The following MARVELD3 variants were observed in gnomAD, a reference collection of about 807,000 sequenced individuals.
MARVELD3 encodes the protein MARVEL domain containing 3.
In MARVELD3, 28 loss-of-function variants were observed where a neutral mutation model predicts 33.5. The observed-to-expected ratio is 0.84, with a 90% CI of 0.62 to 1.15. The LOEUF (loss-of-function observed/expected upper bound fraction) is 1.15. Among genes scored for constraint, MARVELD3 ranks in the 50% most tolerant of loss-of-function variants. The pLI is 0.00. For synonymous variants in MARVELD3, 241 were observed against 230.4 expected (o/e 1.05, Z -0.42); for missense variants, 582 against 547.6 (o/e 1.06, Z -0.63).
rs2044569813 is a variant in MARVELD3, at chr16:71,634,973, A to G, written c.*170A>G. 4.3e-6 allele frequency: 6 copies of G among 1,403,888 alleles called. No homozygotes were observed. The South Asian group carries it at 4.9e-5, about 11-fold the overall frequency. The allele number at this position is 1,403,888 out of a possible 1,614,324, so 87.0% of individuals were successfully genotyped here. On this transcript the variant is annotated 3_prime_UTR_variant, in exon 3 of 3. Transcript: ENST00000268485. ...CGCATGGAGCGGTGTTCATGGATGC[A>G]ACAGACCCTGGCTTCTGGAGTCCTC...
At chr16:71,630,540 C>G (rs545134124) in intron 2 of MARVELD3, among the ~76,000 whole-genome samples, 31 of 151,620 alleles carry the variant, frequency 2.0e-4, no homozygotes, top group Non-Finnish European at 3.8e-4. Context: ...AGGAGAATCG[C>G]TTGAACCCGG....
At chr16:71,640,781 T>C (rs768993397), downstream of MARVELD3, 8 of 1,614,100 alleles carry the variant, frequency 5.0e-6, no homozygotes, top group East Asian at 2.2e-5. Flanking sequence ...TGCAGATCAA[T>C]AGCACCGACA....
intron 2 of MARVELD3, among the ~76,000 whole-genome samples, chr16:71,631,815 ATGT>A (rs1020896799): frequency 6.6e-6 from 1 of 152,222 alleles, no homozygotes; most frequent in Non-Finnish European, 1.5e-5. Flanking sequence ...GAAAACAATA[ATGT>A]TGTTTGCATT....
At chr16:71,640,944 G>A (rs201839766), downstream of MARVELD3, 216 of 1,613,936 alleles carry the variant, frequency 1.3e-4, no homozygotes, top group Non-Finnish European at 1.7e-4. Context: ...TAGCTACCGA[G>A]AACAGAAGCG....
In MARVELD3 at chr16:71,635,883, G is replaced by GC; in HGVS notation, c.*1084dup. On this transcript the variant is annotated 3_prime_UTR_variant, in exon 3 of 3. Coordinates refer to ENST00000268485, the MANE Select transcript of MARVELD3 (RefSeq NM_052858.6). ...GGGTTGCAAAGAGGCTATTCTGCAA[G>GC]CCCCTTACAGTGGCCCTGAAAGCTC... The GC allele has an allele frequency of 1.0e-6, 1 of 985,370 alleles. No individual in the cohort carries two copies. The highest frequency in any genetic ancestry group is 1.1e-4 in the East Asian group (1 of 8,812). The allele number at this position is 985,370 out of a possible 1,614,324, so 61.0% of individuals were successfully genotyped here. A position where few individuals can be genotyped will look rare whatever the true frequency, so the allele number is the denominator to read the frequency against.
Position 71,626,376 on chromosome 16 carries a change from G to A in MARVELD3, c.147G>A (p.Gly49=), listed in dbSNP as rs2044468437. 1.3e-6 allele frequency: 2 copies of A among 1,546,046 alleles called. No homozygotes were observed. The highest frequency in any genetic ancestry group is 1.4e-5 in the African/African-American group (1 of 72,932). Residue 49 remains glycine (G), a synonymous_variant, in exon 1 of 3, where the codon GGG becomes GGA. Transcript: ENST00000268485. This position sits in a 1 kb window ranked among gnomAD's most constrained non-coding sequence, Gnocchi z 5.3. ...CGCGCAGGAAGCGAAGCAGCGACGGGAACCGGCGAAGGGACGGGGACCGGG... is the reference window on the plus strand; with the variant it reads ...CGCGCAGGAAGCGAAGCAGCGACGGAAACCGGCGAAGGGACGGGGACCGGG... ...GDPRRKRSSD[G]NRRRDGDRDP... is the part of the protein sequence containing the mutation.
At chr16:71,641,061 T>C (rs762880396), downstream of MARVELD3, 2 of 1,568,714 alleles carry the variant, frequency 1.3e-6, no homozygotes, top group South Asian at 1.2e-5. Context: ...ACGCACATTG[T>C]TTCTCTCAAA....
At chr16:71,628,545 A>C (rs1333747474) in intron 1 of MARVELD3, among the ~76,000 whole-genome samples, 1 of 151,754 alleles carries the variant, frequency 6.6e-6, no homozygotes, top group African/African-American at 2.4e-5. Context: ...TCAAAACAAA[A>C]AAAAAAAAAG....
At chr16:71,631,554 A>G (rs750769409) in intron 2 of MARVELD3, among the ~76,000 whole-genome samples, 9 of 151,886 alleles carry the variant, frequency 5.9e-5, no homozygotes, top group Non-Finnish European at 1.0e-4. Flanking sequence ...AGTTGAAGCA[A>G]TTCTCCTGCC....
chr16:71,626,563 C>T lies in MARVELD3; in HGVS notation c.334C>T (p.Gln112Ter), dbSNP rs2044473271. 1 of 1,548,122 alleles carries T rather than the reference C, an allele frequency of 6.5e-7. No homozygotes were observed. The highest frequency in any genetic ancestry group is 8.7e-7 in the Non-Finnish European group (1 of 1,146,852). ...ACACGGAGTTTGGGAAAAACCGCGC[C>T]AAAGCCGGACGCGGGACGGAGCCCG... ...GEHGVWEKPR[Q>*]SRTRDGARGL... The change falls in exon 1 of 3, where the codon CAA becomes TAA. Residue 112 changes from glutamine (Q) to a stop codon, truncating the protein, a stop_gained. Coordinates refer to ENST00000268485, the MANE Select transcript of MARVELD3 (RefSeq NM_052858.6). LOFTEE classifies it high-confidence loss of function. This position sits in a 1 kb window ranked among gnomAD's most constrained non-coding sequence, Gnocchi z 5.3.
chr16:71,629,402 C>G lies in MARVELD3; in HGVS notation c.503C>G (p.Pro168Arg). The G allele has an allele frequency of 6.4e-7, 1 of 1,573,716 alleles. No homozygotes were observed. Among genetic ancestry groups the G allele is most frequent in the Non-Finnish European group, 8.6e-7 (1 of 1,163,830 alleles). Residue 168 changes from proline to arginine, a missense_variant, in exon 2 of 3, where the codon CCC becomes CGC. By Grantham distance (103) the Pro-to-Arg change is moderately radical. Transcript: ENST00000268485. ...TCGGAGAGATATCTGCCCTCGACCCCCAGGCCTGGACGAGAGGAGGTGGAA... is the reference window on the plus strand; with the variant it reads ...TCGGAGAGATATCTGCCCTCGACCCGCAGGCCTGGACGAGAGGAGGTGGAA... ...PPSERYLPST[P>R]RPGREEVEYY...
downstream of MARVELD3, chr16:71,641,047 G>A: frequency 1.9e-6 from 3 of 1,581,280 alleles, no homozygotes; most frequent in South Asian, 1.1e-5. Flanking sequence ...GAACCTAAAT[G>A]TGAACGCACA....
chr16:71,632,935 G>A (rs1286248641), intron 2 of MARVELD3, among the ~76,000 whole-genome samples: 10 of 151,958 alleles, frequency 6.6e-5, no homozygotes, highest in East Asian at 3.9e-4. Context: ...TCTAATACAC[G>A]AACCACAGTT....
At chr16:71,633,683 C>G (rs1366200763) in intron 2 of MARVELD3, among the ~76,000 whole-genome samples, 1 of 151,440 alleles carries the variant, frequency 6.6e-6, no homozygotes, top group Non-Finnish European at 1.5e-5. Context: ...GCGTGAGCCA[C>G]CATACCCAGT....
Position 71,626,257 on chromosome 16 carries a change from C to A in MARVELD3, c.28C>A (p.Pro10Thr), listed in dbSNP as rs1385155295. 1.3e-6 allele frequency: 2 copies of A among 1,523,284 alleles called. No homozygotes were observed. Among genetic ancestry groups the A allele is most frequent in the African/African-American group, 2.8e-5 (2 of 71,868 alleles). 94.4% of individuals were successfully genotyped at this position (1,523,284 alleles called of 1,614,324 possible). The change falls in exon 1 of 3, where the codon CCC (proline) becomes ACC (threonine). Residue 10 changes from proline to threonine, a missense_variant. Coordinates refer to ENST00000268485, the MANE Select transcript of MARVELD3 (RefSeq NM_052858.6). The surrounding 1 kb of genome is among the most constrained non-coding windows in gnomAD (Gnocchi z 5.3). MEDPSGARE[P>T]RARPRERDPG... ...GGAAGATCCGTCGGGGGCTCGCGAG[C>A]CCCGGGCCCGGCCGAGAGAGCGGGA...
intron 2 of MARVELD3, 57 bp from the exon 3 acceptor site, chr16:71,634,136 A>C: frequency 1.1e-5 from 17 of 1,550,762 alleles, no homozygotes; most frequent in Non-Finnish European, 7.0e-6. Flanking sequence ...CTCAGGTGGA[A>C]GAGTCTCCTG....
rs1449831714 is a variant in MARVELD3 at position 71,634,299 on chromosome 16, C to A, written c.702C>A (p.Gly234=). 1 of 1,614,188 alleles carries A rather than the reference C, an allele frequency of 6.2e-7. No homozygotes were observed. Among genetic ancestry groups the A allele is most frequent in the East Asian group, 2.2e-5 (1 of 44,884 alleles). ...GGYTGITSLG[G]IYYYQFGGAY... ...ACACGGGCATCACCAGCTTGGGGGG[C>A]ATTTACTACTATCAGTTCGGAGGGG... Residue 234 remains glycine, a synonymous_variant, in exon 3 of 3, where the codon GGC becomes GGA. Coordinates refer to ENST00000268485, the MANE Select transcript of MARVELD3 (RefSeq NM_052858.6).
At chr16:71,627,667 C>T (rs2044488352) in intron 1 of MARVELD3, among the ~76,000 whole-genome samples, 1 of 151,988 alleles carries the variant, frequency 6.6e-6, no homozygotes, top group Non-Finnish European at 1.5e-5. Context: ...AGACCGCACC[C>T]TCCTAATGAA....
At chr16:71,628,011 C>T (rs896238039) in intron 1 of MARVELD3, among the ~76,000 whole-genome samples, 9 of 152,334 alleles carry the variant, frequency 5.9e-5, no homozygotes, top group African/African-American at 2.2e-4. Context: ...CTCCCAGGGA[C>T]TTGGAGGCTG....
Sources: gnomAD v4.1 joint callset for allele counts (sites outside exome capture counted in the v4.1 genomes callset) on GRCh38, gnomAD v4.1.1 for gene constraint, Gnocchi (gnomAD v3.1) non-coding constraint, MANE v1.5 for transcripts, NCBI Gene and HGNC (gene_info 2026-07-23, HGNC 2026-07-21) for gene names.